The following BLOC1S3 variants were observed in gnomAD, a reference collection of about 807,000 sequenced individuals.
BLOC1S3 encodes biogenesis of lysosome-related organelles complex 1 subunit 3.
In BLOC1S3, 7 loss-of-function variants were observed where a neutral mutation model predicts 9.1. The ratio of observed to expected loss-of-function variants is 0.77; its 90% CI spans 0.44 to 1.45. BLOC1S3 has a LOEUF of 1.45. BLOC1S3 is among the 40% of genes most tolerant of loss of function. The pLI is 0.01. For synonymous variants in BLOC1S3, 145 were observed against 158.4 expected (o/e 0.92, Z 0.64); for missense variants, 307 against 315.2 (o/e 0.97, Z 0.20).
intron 2 of BLOC1S3, among the ~76,000 whole-genome samples, chr19:45,200,826 G>A (rs1487162617): frequency 6.6e-6 from 1 of 152,204 alleles, no homozygotes; most frequent in Non-Finnish European, 1.5e-5. Context: ...ATTGAGTGTT[G>A]TGAACTAAAC....
intron 2 of BLOC1S3, among the ~76,000 whole-genome samples, chr19:45,201,983 G>A (rs1264648466): frequency 6.6e-6 from 1 of 151,976 alleles, no homozygotes; most frequent in Non-Finnish European, 1.5e-5. Flanking sequence ...CAGCACTTTG[G>A]GAGGCCGAGG....
Position 45,190,845 on chromosome 19 carries a change from G to A in BLOC1S3, n.180+3105G>A, listed in dbSNP as rs186595525. ...TTTTGAGAGAGAGTCTTGCTCTGTC[G>A]CCCAGGCTGGAGTGCAGTGGCGCAA... is the stretch of plus-strand genomic sequence containing the variant. On this transcript the variant is annotated intron_variant and non_coding_transcript_variant, in intron 2 of 3. Coordinates refer to the BLOC1S3 transcript ENST00000591569. 9.7e-3 allele frequency among the ~76,000 whole-genome samples: 787 copies of A among 81,170 alleles called. 12 individuals carry two copies. Among genetic ancestry groups the A allele is most frequent in the African/African-American group, 0.027 (730 of 27,432 alleles). 53.3% of individuals were successfully genotyped at this position (81,170 alleles called of 152,430 possible). A position where few individuals can be genotyped will look rare whatever the true frequency, so the allele number is the denominator to read the frequency against.
chr19:45,215,382 G>A (rs1969821970), intron 3 of BLOC1S3, among the ~76,000 whole-genome samples: 1 of 151,956 alleles, frequency 6.6e-6, no homozygotes, highest in African/African-American at 2.4e-5. Flanking sequence ...GAGGTGGGAG[G>A]GCTGCTTGAG....
At chr19:45,206,450 GTTTTTTTT>G (rs1054281226) in intron 3 of BLOC1S3, among the ~76,000 whole-genome samples, 4 of 55,152 alleles carry the variant, frequency 7.3e-5, no homozygotes, top group Non-Finnish European at 1.2e-4. Flanking sequence ...GATTAATCAA[GTTTTTTTT>G]TTTTTTTTTT....
At chr19:45,196,605 A>T (rs530369854) in intron 2 of BLOC1S3, among the ~76,000 whole-genome samples, 1 of 150,802 alleles carries the variant, frequency 6.6e-6, no homozygotes, top group South Asian at 2.1e-4. Context: ...AAAGGAAAAA[A>T]CTCTTAGCCG....
At chr19:45,215,934 TG>T in intron 3 of BLOC1S3, 1 of 1,229,612 alleles carries the variant, frequency 8.1e-7, no homozygotes, top group Non-Finnish European at 1.1e-6. Context: ...AATAATGCCC[TG>T]GTTCCAGCAG....
At chr19:45,209,585 C>A (rs904247700) in intron 3 of BLOC1S3, among the ~76,000 whole-genome samples, 36 of 151,972 alleles carry the variant, frequency 2.4e-4, no homozygotes, top group Admixed American at 2.4e-3. Flanking sequence ...CTACGCCCAG[C>A]TAATTTTTTG....
At chr19:45,207,224 C>T (rs993818714) in intron 3 of BLOC1S3, among the ~76,000 whole-genome samples, 2 of 151,794 alleles carry the variant, frequency 1.3e-5, no homozygotes, top group African/African-American at 4.8e-5. Context: ...TCTCTGCCTC[C>T]CGGGTTCAAG....
intron 3 of BLOC1S3, among the ~76,000 whole-genome samples, chr19:45,209,938 G>T (rs144089905): frequency 0.011 from 1,628 of 151,870 alleles, 32 homozygotes; most frequent in African/African-American, 0.037. Context: ...CACTGTGTTA[G>T]CCAGGATGGT....
At chr19:45,186,415 G>A (rs558941893), downstream of BLOC1S3, among the ~76,000 whole-genome samples, 2 of 151,870 alleles carry the variant, frequency 1.3e-5, no homozygotes, top group Non-Finnish European at 2.9e-5. Context: ...CTCCTACCTC[G>A]GCCTCCTAAA....
intron 2 of BLOC1S3, among the ~76,000 whole-genome samples, chr19:45,191,047 C>T (rs1385346794): frequency 1.3e-4 from 19 of 150,206 alleles, no homozygotes; most frequent in African/African-American, 2.9e-4. Flanking sequence ...CCTCACGATC[C>T]GCCCGCCTCG....
intron 3 of BLOC1S3, chr19:45,215,942 G>T: frequency 1.5e-6 from 2 of 1,312,502 alleles, no homozygotes; most frequent in African/African-American, 1.5e-5. Flanking sequence ...CCTGGTTCCA[G>T]CAGGAAACGG....
At chr19:45,194,464 C>T (rs1483815280) in intron 2 of BLOC1S3, among the ~76,000 whole-genome samples, 10 of 152,072 alleles carry the variant, frequency 6.6e-5, no homozygotes, top group Admixed American at 6.6e-4. Context: ...AATACACCCG[C>T]GATCGTTCCA....
chr19:45,214,357 A>G (rs10420888), intron 3 of BLOC1S3, among the ~76,000 whole-genome samples: 26,688 of 152,114 alleles, frequency 0.18, 3,722 homozygotes, highest in African/African-American at 0.39. Context: ...TAGCACTGCA[A>G]GGACTGGCGT....
intron 3 of BLOC1S3, among the ~76,000 whole-genome samples, chr19:45,203,893 G>A (rs779269172): frequency 1.4e-4 from 21 of 152,180 alleles, no homozygotes; most frequent in Non-Finnish European, 2.9e-4. Flanking sequence ...AAAGCCCATT[G>A]GCTTAAAATA....
In BLOC1S3 at chr19:45,178,802, A is replaced by G. The variant is rs1034410181; in HGVS notation, c.-39A>G. 2 of 158,054 alleles carry G rather than the reference A, an allele frequency of 1.3e-5. No homozygotes were observed. The highest frequency in any genetic ancestry group is 4.8e-5 in the African/African-American group (2 of 41,658). The allele number at this position is 158,054 out of a possible 1,614,324, so 9.8% of individuals were successfully genotyped here. ...ACGCAGCACTCGGGTTAGGAAGCGGATCTCGCAAGCTCCGAGCGTCAGCTG... is the reference window on the plus strand; with the variant it reads ...ACGCAGCACTCGGGTTAGGAAGCGGGTCTCGCAAGCTCCGAGCGTCAGCTG... On this transcript the variant is annotated 5_prime_UTR_variant, in exon 1 of 2. Coordinates refer to ENST00000433642, the MANE Select transcript of BLOC1S3 (RefSeq NM_212550.5).
chr19:45,217,077 T>G (rs1969843388), downstream of BLOC1S3: 1 of 152,940 alleles, frequency 6.5e-6, no homozygotes, highest in South Asian at 2.1e-4. Context: ...GGCTGGAGTG[T>G]GGTGGCAGGA....
In BLOC1S3 at chr19:45,181,737, C is replaced by G. The variant is rs963180030; in HGVS notation, c.*1832C>G. 10 of 167,162 alleles carry G rather than the reference C, an allele frequency of 6.0e-5. No homozygotes were observed. The Middle Eastern group carries it at 0.01, about 169-fold the overall frequency. 10.4% of individuals were successfully genotyped at this position (167,162 alleles called of 1,614,324 possible). On this transcript the variant is annotated 3_prime_UTR_variant, in exon 2 of 2. Transcript: ENST00000433642. ...TCTCAACCCGAAGCCAAGATCTGAGCCCCCAAGATGGAGAATGGGGAGGAG... is the reference window on the plus strand; with the variant it reads ...TCTCAACCCGAAGCCAAGATCTGAGGCCCCAAGATGGAGAATGGGGAGGAG...
At position 45,179,043 on chromosome 19, in the gene BLOC1S3, G is replaced by C. The variant is rs755507173; in HGVS notation, c.-10+212G>C. Among the ~76,000 whole-genome samples, 10 of 152,204 alleles carry C rather than the reference G, an allele frequency of 6.6e-5. No homozygotes were observed. Among genetic ancestry groups the C allele is most frequent in the Non-Finnish European group, 1.0e-4 (7 of 68,034 alleles). ...TAAAGACCTCGGCTTGGGACTCCGG[G>C]AACTCGGGCCCCAGATCCTTGTTCG... is the stretch of plus-strand genomic sequence containing the variant. On this transcript the variant is annotated intron_variant, in intron 1 of 1. Transcript: ENST00000433642. The surrounding 1 kb of genome is among the most constrained non-coding windows in gnomAD (Gnocchi z 4.6).
Sources: gnomAD v4.1 joint callset for allele counts (sites outside exome capture counted in the v4.1 genomes callset) on GRCh38, gnomAD v4.1.1 for gene constraint, Gnocchi (gnomAD v3.1) non-coding constraint, MANE v1.5 for transcripts, NCBI Gene and HGNC (gene_info 2026-07-23, HGNC 2026-07-21) for gene names.